Variants in CDH11 observed in about 807,000 individuals in gnomAD.
The protein encoded by CDH11 is cadherin-11.
Under a neutral mutation model 67.8 loss-of-function variants are expected in CDH11, and 11 were observed. The observed-to-expected ratio is 0.16, with a 90% confidence interval of 0.10 to 0.27. The LOEUF is 0.27. CDH11 is among the 10% of genes least tolerant of loss of function. The pLI is 1.00. For missense variants in CDH11, 847 were observed against 1,031.2 expected (o/e 0.82, Z 2.45); for synonymous variants, 419 against 400.0 (o/e 1.05, Z -0.57).
intron 11 of CDH11, among the ~76,000 whole-genome samples, chr16:64,963,886 AG>A (rs1262604984): frequency 6.6e-6 from 1 of 152,248 alleles, no homozygotes; most frequent in Non-Finnish European, 1.5e-5. Flanking sequence ...AAGGAGAAAT[AG>A]TTTTTCAGAC....
At chr16:65,021,569 C>CACACATATAT (rs4048808) in intron 2 of CDH11, among the ~76,000 whole-genome samples, 210 of 139,026 alleles carry the variant, frequency 1.5e-3, no homozygotes, top group Middle Eastern at 0.012. Flanking sequence ...CACACACACA[C>CACACATATAT]ATATATATAT....
chr16:64,973,608 C>T (rs776255530), intron 8 of CDH11, among the ~76,000 whole-genome samples: 2 of 152,066 alleles, frequency 1.3e-5, no homozygotes, highest in African/African-American at 2.4e-5. Context: ...GAGTTCAGGA[C>T]CAGCCTGACC....
intron 4 of CDH11, among the ~76,000 whole-genome samples, 160 bp from the exon 5 acceptor site, chr16:64,993,194 C>A (rs1271599101): frequency 7.5e-6 from 1 of 132,688 alleles, no homozygotes; most frequent in Non-Finnish European, 1.6e-5. Flanking sequence ...ACCAGCCAAC[C>A]AACCTTCCTT....
intron 1 of CDH11, among the ~76,000 whole-genome samples, chr16:65,088,072 G>A (rs1246826361): frequency 6.6e-6 from 1 of 152,158 alleles, no homozygotes; most frequent in Admixed American, 6.5e-5. Flanking sequence ...TTTTAGGGAA[G>A]TGGTTAAGTC....
intron 1 of CDH11, among the ~76,000 whole-genome samples, chr16:65,074,241 G>A (rs953687256): frequency 1.3e-5 from 2 of 151,970 alleles, no homozygotes; most frequent in Non-Finnish European, 2.9e-5. Context: ...GACTCCAAAG[G>A]GGACACATTG....
chr16:65,035,071 G>A (rs908215807), intron 2 of CDH11, among the ~76,000 whole-genome samples: 1 of 152,220 alleles, frequency 6.6e-6, no homozygotes, highest in Non-Finnish European at 1.5e-5. Flanking sequence ...GGGCTGGGGA[G>A]CTGCACGGGC....
chr16:64,949,419 T>C (rs926309396), intron 12 of CDH11, among the ~76,000 whole-genome samples: 8 of 117,216 alleles, frequency 6.8e-5, no homozygotes, highest in African/African-American at 2.3e-4. Flanking sequence ...GGTGCCTTTT[T>C]TTTTTCTTTT....
intron 1 of CDH11, among the ~76,000 whole-genome samples, chr16:65,101,113 C>T (rs2074983504): frequency 6.6e-6 from 1 of 152,222 alleles, no homozygotes; most frequent in Non-Finnish European, 1.5e-5. Context: ...ATCCATTACT[C>T]AGAGGAACTA....
chr16:65,122,081 A>T, upstream of CDH11: 2 of 350,508 alleles, frequency 5.7e-6, no homozygotes, highest in East Asian at 2.1e-4. Context: ...CGAGCGCGCT[A>T]GTGGCAGGAA....
chr16:64,971,422 GC>G (rs1263644892), intron 11 of CDH11, among the ~76,000 whole-genome samples, 156 bp downstream of exon 11: 5 of 152,140 alleles, frequency 3.3e-5, no homozygotes, highest in African/African-American at 4.8e-5. Context: ...CATCAAATGA[GC>G]CCATGTTTCA....
intron 11 of CDH11, among the ~76,000 whole-genome samples, chr16:64,952,459 T>C (rs929548287): frequency 1.3e-5 from 2 of 152,196 alleles, no homozygotes; most frequent in Admixed American, 6.5e-5. Context: ...GGGAAGGATT[T>C]AACCAAAATT....
At chr16:65,011,628 G>T (rs2073187456) in intron 2 of CDH11, among the ~76,000 whole-genome samples, 1 of 152,014 alleles carries the variant, frequency 6.6e-6, no homozygotes, top group South Asian at 2.1e-4. Flanking sequence ...ACTCTATTCT[G>T]TCCTTAAGAC....
In CDH11 at chr16:65,096,410, T is replaced by G. The variant is rs905702787; in HGVS notation, c.-298+25470A>C. On this transcript the variant is annotated intron_variant, in intron 1 of 12. Coordinates refer to ENST00000268603, the MANE Select transcript of CDH11 (RefSeq NM_001797.4). The stretch of plus-strand genomic sequence containing the variant: ...CTCTTACCATAAATCTTTCGGGGTG[T>G]GTGTGTGTGTGTGTGTGTGTGTGTG... Among the ~76,000 whole-genome samples the G allele has an allele frequency of 4.7e-5, 6 of 128,626 alleles. No individual in the cohort carries two copies. In the East Asian group the frequency reaches 6.3e-4, roughly 14 times the overall value. 84.4% of individuals were successfully genotyped at this position (128,626 alleles called of 152,430 possible). A position where few individuals can be genotyped will look rare whatever the true frequency, so the allele number is the denominator to read the frequency against.
intron 11 of CDH11, among the ~76,000 whole-genome samples, chr16:64,951,950 C>T (rs914471774): frequency 6.6e-6 from 1 of 152,230 alleles, no homozygotes; most frequent in Middle Eastern, 3.4e-3. Flanking sequence ...CAGCGCACCT[C>T]TGCCAGCATG....
At chr16:65,085,541 C>T (rs1674507487) in intron 1 of CDH11, among the ~76,000 whole-genome samples, 1 of 152,214 alleles carries the variant, frequency 6.6e-6, no homozygotes, top group Admixed American at 6.5e-5. Context: ...AAGTACTTAA[C>T]ACGTGTCAAA....
At chr16:64,952,557 A>G (rs1192100133) in intron 11 of CDH11, among the ~76,000 whole-genome samples, 1 of 152,196 alleles carries the variant, frequency 6.6e-6, no homozygotes, top group Non-Finnish European at 1.5e-5. Context: ...ACCAGCCTCA[A>G]CTAATTTTCT....
At chr16:65,088,813 G>C (rs985179274) in intron 1 of CDH11, among the ~76,000 whole-genome samples, 1 of 152,166 alleles carries the variant, frequency 6.6e-6, no homozygotes, top group Non-Finnish European at 1.5e-5. Context: ...CCTGATACAT[G>C]TTTAGGTTCA....
intron 1 of CDH11, among the ~76,000 whole-genome samples, chr16:65,100,562 C>G (rs952914603): frequency 6.6e-6 from 1 of 151,954 alleles, no homozygotes; most frequent in South Asian, 2.1e-4. Flanking sequence ...CACGGTGAAA[C>G]TCCGTCTCTA....
At chr16:65,033,162 C>T (rs1164286907) in intron 2 of CDH11, among the ~76,000 whole-genome samples, 1 of 151,938 alleles carries the variant, frequency 6.6e-6, no homozygotes, top group Non-Finnish European at 1.5e-5. Context: ...AAGTGATACA[C>T]CCTGGTTAAC....
Sources: allele counts gnomAD v4.1 joint callset (sites outside exome capture counted in the v4.1 genomes callset), GRCh38; gene constraint gnomAD v4.1.1; transcripts MANE v1.5; gene names NCBI Gene and HGNC (gene_info 2026-07-23, HGNC 2026-07-21).